Variants in CCAR1 observed in about 807,000 individuals in gnomAD.
CCAR1 encodes cell division cycle and apoptosis regulator 1, also known as cell division cycle and apoptosis regulator protein 1.
CCAR1 carries 78 observed loss-of-function variants against 163.8 expected under a neutral mutation model. The ratio of observed to expected loss-of-function variants is 0.48; its 90% CI spans 0.40 to 0.57. The LOEUF is 0.57. Among genes scored for constraint, CCAR1 ranks in the 20% least tolerant of loss-of-function variants. The pLI is 0.00. For synonymous variants in CCAR1, 443 were observed against 460.7 expected (o/e 0.96, Z 0.49); for missense variants, 1,019 against 1,365.2 (o/e 0.75, Z 4.00).
At chr10:68,765,748 G>A (rs1347045385) in intron 16 of CCAR1, 140 bp from the exon 17 acceptor site, 1 of 575,982 alleles carries the variant, frequency 1.7e-6, no homozygotes, top group African/African-American at 1.9e-5. Context: ...AACGCTTATG[G>A]TTTGTATAAG....
rs544234616 is a variant in CCAR1, at chr10:68,791,602, A to G, written c.*336A>G. 3.7e-5 allele frequency: 6 copies of G among 160,864 alleles called. No homozygotes were observed. The highest frequency in any genetic ancestry group is 1.4e-4 in the African/African-American group (6 of 41,904). 10.0% of individuals were successfully genotyped at this position (160,864 alleles called of 1,614,324 possible). A position where few individuals can be genotyped will look rare whatever the true frequency, so the allele number is the denominator to read the frequency against. ...ATTTCTTTTATTAAAATGCCTAGAA[A>G]TTTTTAATTTATAGAATTATTAGGT... On this transcript the variant is annotated 3_prime_UTR_variant, in exon 25 of 25. Transcript: ENST00000265872.
intron 4 of CCAR1, among the ~76,000 whole-genome samples, chr10:68,740,041 T>C (rs1379128418): frequency 6.6e-6 from 1 of 152,216 alleles, no homozygotes; most frequent in Non-Finnish European, 1.5e-5. Context: ...CTATGGTAAA[T>C]TGTCCATCAA....
intron 2 of CCAR1, among the ~76,000 whole-genome samples, chr10:68,732,049 A>AT (rs1223163434): frequency 6.6e-6 from 1 of 152,140 alleles, no homozygotes; most frequent in African/African-American, 2.4e-5. Context: ...ACATTCTGCG[A>AT]TTTTGGCTCT....
At chr10:68,790,354 T>TAA (rs530271339) in intron 24 of CCAR1, among the ~76,000 whole-genome samples, 145 of 136,158 alleles carry the variant, frequency 1.1e-3, no homozygotes, top group African/African-American at 3.6e-3. Context: ...GACCCCATCT[T>TAA]AAAAAAAAAA....
intron 2 of CCAR1, among the ~76,000 whole-genome samples, chr10:68,722,837 C>T (rs2055878904): frequency 1.3e-5 from 2 of 151,990 alleles, no homozygotes; most frequent in Middle Eastern, 3.4e-3. Context: ...CAGGAGAATC[C>T]CTTGAACCCG....
intron 16 of CCAR1, among the ~76,000 whole-genome samples, chr10:68,764,484 A>G (rs1049484160): frequency 3.3e-5 from 5 of 152,004 alleles, no homozygotes; most frequent in African/African-American, 9.7e-5. Flanking sequence ...TTTGTGAGCT[A>G]TGATCACACC....
chr10:68,757,195 T>C lies in CCAR1; in HGVS notation c.1837-99T>C, dbSNP rs895833358. On this transcript the variant is annotated intron_variant, in intron 14 of 24. Coordinates refer to ENST00000265872, the MANE Select transcript of CCAR1 (RefSeq NM_018237.4). Reference sequence around the variant, plus strand: ...CTTTAGGAGAAGACAATCTGAAACATTTGTGACCTTGCACAGATCAGCAAC... The same window carrying C: ...CTTTAGGAGAAGACAATCTGAAACACTTGTGACCTTGCACAGATCAGCAAC... 1.5e-5 allele frequency: 10 copies of C among 662,386 alleles called. No homozygotes were observed. The Admixed American group carries it at 2.3e-4, about 15-fold the overall frequency. The allele number at this position is 662,386 out of a possible 1,614,324, so 41.0% of individuals were successfully genotyped here.
intron 16 of CCAR1, among the ~76,000 whole-genome samples, chr10:68,763,801 C>G (rs1160667677): frequency 6.6e-6 from 1 of 152,160 alleles, no homozygotes; most frequent in East Asian, 1.9e-4. Context: ...GGTGGGAGTT[C>G]TTTCAAGTTA....
At chr10:68,790,561 A>T (rs2056841550) in intron 24 of CCAR1, among the ~76,000 whole-genome samples, 1 of 151,422 alleles carries the variant, frequency 6.6e-6, no homozygotes. Context: ...AGGGTCTTGC[A>T]CTTTTGCCCA....
intron 16 of CCAR1, among the ~76,000 whole-genome samples, chr10:68,764,259 T>C (rs1310295703): frequency 6.6e-6 from 1 of 152,102 alleles, no homozygotes; most frequent in Non-Finnish European, 1.5e-5. Context: ...ACTGGGCAGT[T>C]GTGGCTCCAC....
chr10:68,774,937 T>G lies in CCAR1; in HGVS notation c.2650+1838T>G, dbSNP rs777704086. The stretch of plus-strand genomic sequence containing the variant: ...TAGAAAATTATAAGAGTTCTTTTTG[T>G]TTTTTTTTTTACAGTTTGTGTCTCT... On this transcript the variant is annotated intron_variant, in intron 19 of 24. Coordinates refer to ENST00000265872, the MANE Select transcript of CCAR1 (RefSeq NM_018237.4). 40 of 293,146 alleles carry G rather than the reference T, an allele frequency of 1.4e-4. 1 individual carries two copies. The highest frequency in any genetic ancestry group is 4.7e-4 in the African/African-American group (20 of 42,516). 18.2% of individuals were successfully genotyped at this position (293,146 alleles called of 1,614,324 possible).
chr10:68,747,319 G>A (rs1212985059), intron 7 of CCAR1, 44 bp downstream of exon 7: 2 of 1,585,748 alleles, frequency 1.3e-6, no homozygotes, highest in Admixed American at 3.5e-5. Flanking sequence ...CTTGGTAAAT[G>A]AGTCTTCTAA....
chr10:68,748,601 G>A (rs895995010), intron 8 of CCAR1, among the ~76,000 whole-genome samples: 22 of 149,098 alleles, frequency 1.5e-4, no homozygotes, highest in African/African-American at 5.4e-4. Context: ...TGATCCTACT[G>A]CCTCAGCTCC....
At chr10:68,773,929 G>T (rs1360317530) in intron 19 of CCAR1, among the ~76,000 whole-genome samples, 2 of 150,110 alleles carry the variant, frequency 1.3e-5, no homozygotes, top group Non-Finnish European at 3.0e-5. Context: ...GTCTTGCTCT[G>T]TTGCCCAGGC....
At chr10:68,754,601 C>T (rs1002576210) in intron 11 of CCAR1, 113 bp from the exon 12 acceptor site, 1 of 607,974 alleles carries the variant, frequency 1.6e-6, no homozygotes, top group Non-Finnish European at 2.9e-6. Context: ...AGTATTACTT[C>T]CTATTTTTAT....
chr10:68,769,940 CAAAAAAA>C (rs10527624), intron 17 of CCAR1, among the ~76,000 whole-genome samples: 84 of 69,980 alleles, frequency 1.2e-3, no homozygotes, highest in Middle Eastern at 0.017. Context: ...GACTCTGTCT[CAAAAAAA>C]AAAAAAAAAA....
intron 17 of CCAR1, among the ~76,000 whole-genome samples, chr10:68,769,063 G>A (rs913555805): frequency 1.4e-4 from 22 of 152,084 alleles, no homozygotes; most frequent in African/African-American, 3.4e-4. Context: ...CAACGTCCAC[G>A]TCCCAGATTG....
intron 10 of CCAR1, among the ~76,000 whole-genome samples, 170 bp downstream of exon 10, chr10:68,749,855 A>G (rs2056308046): frequency 6.6e-6 from 1 of 152,224 alleles, no homozygotes; most frequent in Non-Finnish European, 1.5e-5. Context: ...ATGCTGCATT[A>G]TTTTTATACC....
intron 6 of CCAR1, among the ~76,000 whole-genome samples, chr10:68,743,068 G>A (rs2056203526): frequency 6.6e-6 from 1 of 152,028 alleles, no homozygotes; most frequent in Admixed American, 6.6e-5. Context: ...GAGTAGCTGG[G>A]ACAACAGGCA....
Sources: allele counts gnomAD v4.1 joint callset (sites outside exome capture counted in the v4.1 genomes callset), GRCh38; gene constraint gnomAD v4.1.1; transcripts MANE v1.5; gene names NCBI Gene and HGNC (gene_info 2026-07-23, HGNC 2026-07-21).